The following KAZN variants were observed in gnomAD, a reference collection of about 807,000 sequenced individuals.
KAZN encodes the protein kazrin, periplakin interacting protein, also known as kazrin.
KAZN carries 40 observed loss-of-function variants against 87.4 expected under a neutral mutation model. The observed-to-expected ratio is 0.46, with a 90% confidence interval of 0.36 to 0.60. KAZN has a LOEUF of 0.60. Ranked by LOEUF, KAZN falls within the 20% of genes least tolerant of loss-of-function variation. The pLI is 0.00. For missense variants in KAZN, 898 were observed against 1,073.9 expected, an observed-to-expected ratio of 0.84 and a Z score of 2.29; for synonymous variants, 466 against 458.3, an observed-to-expected ratio of 1.02 and a Z score of -0.22.
intron 2 of KAZN, among the ~76,000 whole-genome samples, chr1:14,466,923 C>T (rs574596777): frequency 1.2e-4 from 19 of 152,206 alleles, no homozygotes; most frequent in East Asian, 3.9e-4. Context: ...GAGCCGAGAT[C>T]GCGCCACTGC....
intron 2 of KAZN, among the ~76,000 whole-genome samples, chr1:14,191,333 T>G (rs147890404): frequency 9.9e-5 from 15 of 152,232 alleles, no homozygotes; most frequent in African/African-American, 3.4e-4. Context: ...GTTTAGCAAG[T>G]AGCAATTTCA....
At chr1:15,072,270 C>G (rs1258651816) in intron 8 of KAZN, among the ~76,000 whole-genome samples, 1 of 152,208 alleles carries the variant, frequency 6.6e-6, no homozygotes, top group African/African-American at 2.4e-5. Flanking sequence ...TTGAGCCTGA[C>G]AGTGCCTCAA....
intron 1 of KAZN, among the ~76,000 whole-genome samples, chr1:14,626,672 G>A (rs1357151463): frequency 6.6e-6 from 1 of 152,066 alleles, no homozygotes; most frequent in Non-Finnish European, 1.5e-5. Context: ...GGTTCTCTGT[G>A]GTTCCAGATC....
chr1:14,744,272 T>G, intron 1 of KAZN, among the ~76,000 whole-genome samples: 1 of 152,324 alleles, frequency 6.6e-6, no homozygotes, highest in East Asian at 1.9e-4. Flanking sequence ...TTATCTTATT[T>G]AGTCTTGACT....
chr1:15,060,895 G>A (rs933525972), intron 6 of KAZN: 1 of 152,562 alleles, frequency 6.6e-6, no homozygotes, highest in African/African-American at 2.4e-5. Context: ...TTGAAGGTGG[G>A]TTGAGCTTCT....
intron 1 of KAZN, among the ~76,000 whole-genome samples, chr1:14,682,208 G>A (rs1484962798): frequency 6.6e-6 from 1 of 151,938 alleles, no homozygotes; most frequent in African/African-American, 2.4e-5. Flanking sequence ...ACTCGTAGCA[G>A]GTGAATCATA....
At chr1:13,931,180 T>C (rs1487484500) in intron 1 of KAZN, among the ~76,000 whole-genome samples, 1 of 152,252 alleles carries the variant, frequency 6.6e-6, no homozygotes, top group Non-Finnish European at 1.5e-5. Context: ...CAATTAATGT[T>C]AGTGAATTGC....
chr1:14,417,177 C>T (rs1664860158), intron 2 of KAZN, among the ~76,000 whole-genome samples: 1 of 117,258 alleles, frequency 8.5e-6, no homozygotes, highest in Non-Finnish European at 1.8e-5. Context: ...GACTCTGTCT[C>T]AAAATAAAAA....
chr1:14,376,117 G>A (rs532661407), intron 2 of KAZN, among the ~76,000 whole-genome samples: 1 of 152,218 alleles, frequency 6.6e-6, no homozygotes, highest in African/African-American at 2.4e-5. Flanking sequence ...ACACAGTGAG[G>A]GAGAATACCA....
chr1:14,062,649 A>G (rs760477053), intron 1 of KAZN, among the ~76,000 whole-genome samples: 6 of 152,174 alleles, frequency 3.9e-5, no homozygotes, highest in African/African-American at 7.2e-5. Context: ...ATGAGGAAAC[A>G]AAGTAGATAC....
chr1:14,482,043 G>A (rs1669112756), intron 2 of KAZN, among the ~76,000 whole-genome samples: 1 of 152,226 alleles, frequency 6.6e-6, no homozygotes, highest in Admixed American at 6.5e-5. Context: ...CATCCACGTG[G>A]ACCAGAGAGC....
chr1:14,976,689 C>T (rs1441819507), intron 2 of KAZN, among the ~76,000 whole-genome samples: 2 of 152,158 alleles, frequency 1.3e-5, no homozygotes, highest in Non-Finnish European at 2.9e-5. Flanking sequence ...GGGCATTGGC[C>T]GTCCTGGGAC....
At chr1:13,948,781 C>T (rs1032402675) in intron 1 of KAZN, among the ~76,000 whole-genome samples, 1 of 152,152 alleles carries the variant, frequency 6.6e-6, no homozygotes, top group African/African-American at 2.4e-5. Context: ...GGAAGCTTCT[C>T]CTCAGAAGTA....
chr1:14,190,700 T>G (rs976100750), intron 2 of KAZN, among the ~76,000 whole-genome samples: 1 of 152,158 alleles, frequency 6.6e-6, no homozygotes, highest in Non-Finnish European at 1.5e-5. Context: ...GCTAGCTGTC[T>G]GGAGGGTGAG....
chr1:14,706,710 C>G (rs1441974350), intron 1 of KAZN, among the ~76,000 whole-genome samples: 1 of 152,132 alleles, frequency 6.6e-6, no homozygotes, highest in Non-Finnish European at 1.5e-5. Context: ...ACATATGAAT[C>G]TGGGGGGAAA....
chr1:14,672,955 G>A (rs1046437597), intron 1 of KAZN, among the ~76,000 whole-genome samples: 9 of 152,186 alleles, frequency 5.9e-5, no homozygotes, highest in East Asian at 3.8e-4. Flanking sequence ...CAGCCTGATC[G>A]TTGGATCCCA....
At chr1:15,045,484 A>G (rs1450471124) in intron 4 of KAZN, among the ~76,000 whole-genome samples, 3 of 152,092 alleles carry the variant, frequency 2.0e-5, no homozygotes, top group Admixed American at 6.5e-5. Flanking sequence ...TCCATGTATA[A>G]CTTTTGACTC....
intron 3 of KAZN, among the ~76,000 whole-genome samples, chr1:15,038,892 ATG>A: frequency 9.4e-6 from 1 of 106,150 alleles, no homozygotes; most frequent in East Asian, 2.1e-4. Flanking sequence ...ACAGACATGA[ATG>A]TGATATTACC....
At chr1:14,672,280 C>T (rs1161546334) in intron 1 of KAZN, among the ~76,000 whole-genome samples, 1 of 152,160 alleles carries the variant, frequency 6.6e-6, no homozygotes. Flanking sequence ...TTCATTTCCT[C>T]CAAATCGAGT....
Sources: allele counts gnomAD v4.1 joint callset (sites outside exome capture counted in the v4.1 genomes callset), GRCh38; gene constraint gnomAD v4.1.1; transcripts MANE v1.5; gene names NCBI Gene and HGNC (gene_info 2026-07-23, HGNC 2026-07-21).